Variants in NRG1 observed in about 807,000 individuals in gnomAD.
The protein encoded by NRG1 is neuregulin 1.
A neutral mutation model predicts 63.8 loss-of-function variants in NRG1; 18 were observed. The observed-to-expected ratio is 0.28, with a 90% CI of 0.19 to 0.42. The LOEUF (loss-of-function observed/expected upper bound fraction) is 0.42, where lower values mean the gene tolerates loss of function less well. NRG1 is among the 10% of genes least tolerant of loss of function. The pLI is 1.00. For missense variants in NRG1, 762 were observed against 814.7 expected (o/e 0.94, Z 0.79); for synonymous variants, 302 against 301.3 (o/e 1.00, Z -0.02).
intron 1 of NRG1, among the ~76,000 whole-genome samples, chr8:32,314,354 C>CT (rs1857140260): frequency 6.6e-6 from 1 of 152,142 alleles, no homozygotes; most frequent in South Asian, 2.1e-4. Context: ...ATGTCTAAAG[C>CT]TTTTTTACAG....
At chr8:31,755,899 C>A (rs1022507538) in intron 1 of NRG1, among the ~76,000 whole-genome samples, 1 of 152,076 alleles carries the variant, frequency 6.6e-6, no homozygotes, top group African/African-American at 2.4e-5. Flanking sequence ...AAGATTTTCC[C>A]ATAGGATCAA....
intron 1 of NRG1, among the ~76,000 whole-genome samples, chr8:32,119,054 A>G (rs1405592465): frequency 6.6e-6 from 1 of 152,120 alleles, no homozygotes; most frequent in Non-Finnish European, 1.5e-5. Flanking sequence ...TAAATTGCTC[A>G]ATATGACATG....
At chr8:32,046,897 G>T (rs1007165578) in intron 1 of NRG1, among the ~76,000 whole-genome samples, 1 of 151,934 alleles carries the variant, frequency 6.6e-6, no homozygotes, top group Non-Finnish European at 1.5e-5. Flanking sequence ...ATAAAACTAT[G>T]ATTTATATGA....
intron 5 of NRG1, among the ~76,000 whole-genome samples, chr8:32,632,458 A>G (rs1252938548): frequency 1.3e-5 from 2 of 151,080 alleles, no homozygotes; most frequent in African/African-American, 4.9e-5. Flanking sequence ...CTGAGGCAGG[A>G]GAATTGCTTG....
Position 31,854,652 on chromosome 8 carries a change from A to G in NRG1, c.37+215221A>G, listed in dbSNP as rs1215523506. 2.6e-5 allele frequency among the ~76,000 whole-genome samples: 4 copies of G among 152,018 alleles called. No homozygotes were observed. In the East Asian group the frequency reaches 5.8e-4, roughly 22 times the overall value. The stretch of plus-strand genomic sequence containing the variant: ...TCTTAGTTATTTCTTGCCTTCTGCT[A>G]GCTTTTGAATGTGTTTGCTCTTGCT... On this transcript the variant is annotated intron_variant, in intron 1 of 10. Transcript: ENST00000519301.
intron 1 of NRG1, among the ~76,000 whole-genome samples, chr8:31,745,932 G>A (rs1014411590): frequency 2.6e-5 from 4 of 151,852 alleles, no homozygotes; most frequent in Non-Finnish European, 5.9e-5. Flanking sequence ...AAGTAATCAC[G>A]AGATTACCAC....
intron 1 of NRG1, among the ~76,000 whole-genome samples, chr8:32,381,296 T>C (rs1012203867): frequency 1.2e-4 from 18 of 152,320 alleles, no homozygotes; most frequent in Admixed American, 1.2e-3. Flanking sequence ...AAATAACTTT[T>C]ACTCTGAAAA....
At chr8:31,742,159 T>A (rs1815341602) in intron 1 of NRG1, among the ~76,000 whole-genome samples, 1 of 151,908 alleles carries the variant, frequency 6.6e-6, no homozygotes, top group Admixed American at 6.6e-5. Flanking sequence ...AGCAACATAG[T>A]GTTTTGAAAT....
intron 7 of NRG1, among the ~76,000 whole-genome samples, chr8:32,750,819 A>G (rs1828576092): frequency 6.6e-6 from 1 of 152,064 alleles, no homozygotes; most frequent in South Asian, 2.1e-4. Flanking sequence ...AAGAGGGAGA[A>G]ACACAAGGGG....
Position 31,726,619 on chromosome 8 carries a change from T to C in NRG1, c.37+87188T>C, listed in dbSNP as rs374500308. On this transcript the variant is annotated intron_variant, in intron 1 of 10. Transcript: ENST00000519301. ...ATTATGTAGGAGGTAGGAGATTTAT[T>C]GGGGAGTGCTAGAAGTACCAATACC... Among the ~76,000 whole-genome samples the C allele has an allele frequency of 3.3e-5, 5 of 152,164 alleles. No individual in the cohort carries two copies. The East Asian group carries it at 7.8e-4, about 24-fold the overall frequency.
intron 1 of NRG1, among the ~76,000 whole-genome samples, chr8:31,733,726 A>G (rs1227952416): frequency 6.6e-5 from 10 of 152,154 alleles, no homozygotes; most frequent in African/African-American, 2.2e-4. Flanking sequence ...CACATGTCAT[A>G]CTTTGCACCA....
intron 1 of NRG1, among the ~76,000 whole-genome samples, chr8:32,573,360 T>C (rs1460994918): frequency 8.5e-6 from 1 of 118,036 alleles, no homozygotes; most frequent in Non-Finnish European, 1.8e-5. Context: ...TGAATGCAAG[T>C]GTGCTCCAAT....
At chr8:32,424,877 C>A (rs1012095536) in intron 1 of NRG1, among the ~76,000 whole-genome samples, 3 of 151,888 alleles carry the variant, frequency 2.0e-5, no homozygotes, top group Non-Finnish European at 4.4e-5. Context: ...CAGAACAAAA[C>A]AAACAACAAA....
chr8:32,103,239 C>T (rs943980407), intron 1 of NRG1, among the ~76,000 whole-genome samples: 4 of 152,046 alleles, frequency 2.6e-5, no homozygotes, highest in African/African-American at 9.7e-5. Flanking sequence ...TCCATGGGTT[C>T]AGTTGTTTTG....
At chr8:32,620,124 T>C (rs988988464) in intron 5 of NRG1, among the ~76,000 whole-genome samples, 3 of 152,080 alleles carry the variant, frequency 2.0e-5, no homozygotes, top group African/African-American at 7.2e-5. Flanking sequence ...ATGCCAAATA[T>C]ATAAAAAAGT....
chr8:31,953,005 C>T (rs1343855069), intron 1 of NRG1, among the ~76,000 whole-genome samples: 1 of 152,148 alleles, frequency 6.6e-6, no homozygotes, highest in Admixed American at 6.5e-5. Context: ...TTCTCATGGA[C>T]CTACCTCTTA....
chr8:31,866,029 G>T (rs966378964), intron 1 of NRG1, among the ~76,000 whole-genome samples: 1 of 152,098 alleles, frequency 6.6e-6, no homozygotes, highest in Non-Finnish European at 1.5e-5. Flanking sequence ...TTTCATGTGC[G>T]GTTCTTGTCT....
intron 1 of NRG1, among the ~76,000 whole-genome samples, chr8:32,237,042 C>A (rs1426388966): frequency 1.3e-5 from 2 of 152,210 alleles, no homozygotes. Flanking sequence ...CCACACTATC[C>A]TTTCAGCCTT....
chr8:31,685,189 T>C (rs1808759945), intron 1 of NRG1, among the ~76,000 whole-genome samples: 1 of 152,190 alleles, frequency 6.6e-6, no homozygotes, highest in African/African-American at 2.4e-5. Context: ...GGGATACTTA[T>C]CTGAGATTCA....
Sources: gnomAD v4.1 joint callset for allele counts (sites outside exome capture counted in the v4.1 genomes callset) on GRCh38, gnomAD v4.1.1 for gene constraint, MANE v1.5 for transcripts, NCBI Gene and HGNC (gene_info 2026-07-23, HGNC 2026-07-21) for gene names.